Variants in SGCD observed in about 807,000 individuals in gnomAD.
The protein encoded by SGCD is sarcoglycan delta.
SGCD carries 18 observed loss-of-function variants against 36.6 expected under a neutral mutation model. The observed-to-expected ratio is 0.49, with a 90% CI of 0.34 to 0.73. The LOEUF is 0.73. Ranked by LOEUF, SGCD falls within the 30% of genes least tolerant of loss-of-function variation. The pLI, the probability that SGCD is intolerant of heterozygous loss-of-function variation, is 0.01. For missense variants in SGCD, 387 were observed against 346.7 expected (o/e 1.12, Z -0.92); for synonymous variants, 133 against 130.6 (o/e 1.02, Z -0.12).
chr5:156,532,531 G>A (rs1757929312), intron 4 of SGCD, among the ~76,000 whole-genome samples: 1 of 152,122 alleles, frequency 6.6e-6, no homozygotes, highest in Non-Finnish European at 1.5e-5. Context: ...CATGATCTTG[G>A]CTCACTGCAA....
intron 1 of SGCD, among the ~76,000 whole-genome samples, chr5:156,030,892 G>A (rs1223476464): frequency 1.3e-5 from 2 of 152,204 alleles, no homozygotes; most frequent in African/African-American, 2.4e-5. Flanking sequence ...TGTGTCTAGG[G>A]AGAATTACAT....
chr5:155,965,801 C>T (rs1164358399), intron 1 of SGCD, among the ~76,000 whole-genome samples: 3 of 152,104 alleles, frequency 2.0e-5, no homozygotes, highest in Admixed American at 2.0e-4. Flanking sequence ...GCTCAGGGCC[C>T]TTGTTCACTA....
chr5:156,359,894 C>T (rs958301608), intron 3 of SGCD, among the ~76,000 whole-genome samples: 5 of 152,208 alleles, frequency 3.3e-5, no homozygotes, highest in African/African-American at 4.8e-5. Context: ...ACCTACTGAA[C>T]TTAGAAAGGT....
chr5:155,880,625 G>T (rs972479200), intron 1 of SGCD, among the ~76,000 whole-genome samples: 1 of 152,042 alleles, frequency 6.6e-6, no homozygotes, highest in Non-Finnish European at 1.5e-5. Context: ...GGAGACAGTG[G>T]GATAAAGAAA....
At chr5:155,979,679 G>A (rs531697071) in intron 1 of SGCD, among the ~76,000 whole-genome samples, 1 of 152,170 alleles carries the variant, frequency 6.6e-6, no homozygotes, top group Non-Finnish European at 1.5e-5. Context: ...CAGTTGTTGG[G>A]TGTAGGCTGG....
At chr5:156,053,589 G>C (rs1759978134) in intron 1 of SGCD, among the ~76,000 whole-genome samples, 1 of 146,116 alleles carries the variant, frequency 6.8e-6, no homozygotes, top group Non-Finnish European at 1.5e-5. Flanking sequence ...TCTGAGCTTG[G>C]AGCTCTTGTG....
chr5:156,755,404 C>T (rs1405021933), intron 7 of SGCD, among the ~76,000 whole-genome samples: 1 of 152,160 alleles, frequency 6.6e-6, no homozygotes, highest in Non-Finnish European at 1.5e-5. Flanking sequence ...TTAGGATAAA[C>T]TGTGTGCATC....
intron 3 of SGCD, among the ~76,000 whole-genome samples, chr5:156,455,069 T>C (rs79004990): frequency 0.026 from 3,962 of 152,278 alleles, 89 homozygotes; most frequent in Non-Finnish European, 0.039. Context: ...ACAGCACATA[T>C]TGAATGGTGA....
intron 6 of SGCD, among the ~76,000 whole-genome samples, chr5:156,639,469 C>A (rs899494160): frequency 2.0e-5 from 3 of 152,198 alleles, no homozygotes; most frequent in Non-Finnish European, 4.4e-5. Context: ...TGCCACGCAG[C>A]AGGCTGGTGC....
chr5:156,412,750 C>T (rs189178092), intron 3 of SGCD, among the ~76,000 whole-genome samples: 33 of 150,644 alleles, frequency 2.2e-4, no homozygotes, highest in Admixed American at 9.9e-4. Flanking sequence ...TGGTACAAAG[C>T]ACAAGAGATG....
At chr5:156,635,414 G>A (rs1169067671) in intron 6 of SGCD, among the ~76,000 whole-genome samples, 1 of 152,122 alleles carries the variant, frequency 6.6e-6, no homozygotes, top group African/African-American at 2.4e-5. Context: ...TGGAGAAATG[G>A]GATCACTTTT....
chr5:156,017,320 A>C (rs901873749), intron 1 of SGCD, among the ~76,000 whole-genome samples: 1 of 152,124 alleles, frequency 6.6e-6, no homozygotes, highest in African/African-American at 2.4e-5. Context: ...TCCCCATGCA[A>C]AAGTTTTTTT....
At chr5:156,294,366 G>T (rs1394438756) in intron 3 of SGCD, among the ~76,000 whole-genome samples, 1 of 152,030 alleles carries the variant, frequency 6.6e-6, no homozygotes, top group African/African-American at 2.4e-5. Flanking sequence ...GGAGGCCGAG[G>T]CAAGAGGATC....
At chr5:156,188,925 G>A (rs1763827144) in intron 3 of SGCD, among the ~76,000 whole-genome samples, 1 of 152,106 alleles carries the variant, frequency 6.6e-6, no homozygotes, top group Non-Finnish European at 1.5e-5. Flanking sequence ...TGTTTTGCTA[G>A]GATGGTGTAT....
the SGCD span, among the ~76,000 whole-genome samples, chr5:155,825,022 G>T: frequency 6.6e-6 from 1 of 152,060 alleles, no homozygotes; most frequent in Non-Finnish European, 1.5e-5. Flanking sequence ...TTCATTTATC[G>T]TTGATAATGT....
chr5:156,308,830 A>G (rs1035454051), intron 3 of SGCD, among the ~76,000 whole-genome samples: 30 of 152,132 alleles, frequency 2.0e-4, no homozygotes, highest in African/African-American at 6.3e-4. Context: ...TATATTTTTC[A>G]CAGAGCTGGT....
At chr5:156,344,720 G>A in intron 3 of SGCD, 43 bp downstream of exon 3, 1 of 1,405,314 alleles carries the variant, frequency 7.1e-7, no homozygotes, top group Non-Finnish European at 9.9e-7. Flanking sequence ...CTTCCGGGAG[G>A]GGAAGCGTGG....
chr5:156,269,505 A>AAAAAAACAAAAC (rs1189540837), intron 3 of SGCD, among the ~76,000 whole-genome samples: 1 of 86,196 alleles, frequency 1.2e-5, no homozygotes. Flanking sequence ...AAAAAAAAAA[A>AAAAAAACAAAAC]AAAAACCATC....
chr5:156,522,324 C>G (rs991973903), intron 4 of SGCD, among the ~76,000 whole-genome samples: 2 of 151,910 alleles, frequency 1.3e-5, no homozygotes, highest in African/African-American at 4.8e-5. Flanking sequence ...CACATGTACC[C>G]TAGAACTTAA....
Sources: allele counts gnomAD v4.1 joint callset (sites outside exome capture counted in the v4.1 genomes callset), GRCh38; gene constraint gnomAD v4.1.1; transcripts MANE v1.5; gene names NCBI Gene and HGNC (gene_info 2026-07-23, HGNC 2026-07-21).